Variants in SLC8A2 observed in about 807,000 individuals in gnomAD.
SLC8A2 encodes the protein sodium/calcium exchanger 2.
SLC8A2 carries 14 observed loss-of-function variants against 70.2 expected under a neutral mutation model. The observed-to-expected ratio is 0.20, with a 90% CI of 0.13 to 0.31. SLC8A2 has a LOEUF of 0.31. Ranked by LOEUF, SLC8A2 falls within the 10% of genes least tolerant of loss-of-function variation. The pLI, the probability that SLC8A2 is intolerant of heterozygous loss-of-function variation, is 1.00. For missense variants in SLC8A2, 779 were observed against 1,320.1 expected (o/e 0.59, Z 6.35); for synonymous variants, 575 against 594.3 (o/e 0.97, Z 0.47).
At chr19:47,457,796 CT>C (rs367977047) in intron 2 of SLC8A2, among the ~76,000 whole-genome samples, 218 of 26,840 alleles carry the variant, frequency 8.1e-3, no homozygotes, top group Admixed American at 0.017. Context: ...CTTTTCTTTT[CT>C]CTTCCTTCCT....
intron 2 of SLC8A2, among the ~76,000 whole-genome samples, chr19:47,464,637 A>T (rs1967435677): frequency 6.6e-6 from 1 of 152,196 alleles, no homozygotes; most frequent in Admixed American, 6.5e-5. Context: ...AAAACCCACA[A>T]GGCATTTTTC....
intron 8 of SLC8A2, among the ~76,000 whole-genome samples, chr19:47,435,079 G>C (rs1967009024): frequency 6.6e-6 from 1 of 151,842 alleles, no homozygotes. Context: ...CATGGTGGTG[G>C]GTGCCTGTAA....
intron 2 of SLC8A2, among the ~76,000 whole-genome samples, chr19:47,462,609 A>T: frequency 8.5e-6 from 1 of 118,036 alleles, no homozygotes. Flanking sequence ...TTTTTCTGAG[A>T]TGGAGTCTCA....
intron 8 of SLC8A2, among the ~76,000 whole-genome samples, chr19:47,434,529 T>C (rs1056562679): frequency 1.3e-5 from 2 of 152,224 alleles, no homozygotes; most frequent in African/African-American, 2.4e-5. Context: ...AGTTGGTTCA[T>C]GTAAAGTGCT....
At chr19:47,433,019 T>C (rs1312604996) in intron 8 of SLC8A2, among the ~76,000 whole-genome samples, 1 of 152,112 alleles carries the variant, frequency 6.6e-6, no homozygotes, top group Non-Finnish European at 1.5e-5. Context: ...CGGAACTGCT[T>C]GCACCTAAAT....
At chr19:47,471,526 G>C (rs1967540141) in intron 1 of SLC8A2, among the ~76,000 whole-genome samples, 1 of 151,846 alleles carries the variant, frequency 6.6e-6, no homozygotes, top group African/African-American at 2.4e-5. Flanking sequence ...CAGACGGGGT[G>C]GGGGCGGGGT....
intron 3 of SLC8A2, among the ~76,000 whole-genome samples, chr19:47,450,662 G>A (rs1413343789): frequency 6.6e-6 from 1 of 152,136 alleles, no homozygotes; most frequent in Non-Finnish European, 1.5e-5. Context: ...GAGTCCCTCA[G>A]CTCAGGATTC....
chr19:47,441,265 G>C, intron 5 of SLC8A2, 72 bp downstream of exon 5: 1 of 1,583,966 alleles, frequency 6.3e-7, no homozygotes, highest in Non-Finnish European at 8.7e-7. Flanking sequence ...AGGAGTGCCT[G>C]CAATTGAGCC....
intron 8 of SLC8A2, among the ~76,000 whole-genome samples, chr19:47,433,044 G>A (rs764709527): frequency 6.6e-6 from 1 of 152,152 alleles, no homozygotes. Flanking sequence ...CCAAGTCAAT[G>A]CTAAAAACAG....
At chr19:47,436,185 T>G (rs1042936231) in intron 8 of SLC8A2, among the ~76,000 whole-genome samples, 1 of 152,120 alleles carries the variant, frequency 6.6e-6, no homozygotes. Context: ...CTTTACCCAT[T>G]TGAAGACTCA....
intron 2 of SLC8A2, among the ~76,000 whole-genome samples, chr19:47,457,834 T>G (rs922356930): frequency 2.0e-5 from 3 of 151,348 alleles, no homozygotes; most frequent in Non-Finnish European, 4.4e-5. Context: ...TCTCTCTTTC[T>G]TTCTTTCTTT....
At position 47,457,684 on chromosome 19, in the gene SLC8A2, C is replaced by G. The variant is rs1011896356; in HGVS notation, c.676-90G>C. 7.6e-6 allele frequency: 6 copies of G among 793,076 alleles called. No individual in the cohort carries two copies. The African/African-American group carries it at 1.1e-4, about 14-fold the overall frequency. The allele number at this position is 793,076 out of a possible 1,614,324, so 49.1% of individuals were successfully genotyped here. On this transcript the variant is annotated intron_variant, in intron 2 of 9. Coordinates refer to ENST00000236877, the MANE Select transcript of SLC8A2 (RefSeq NM_015063.3). Reference sequence around the variant, plus strand: ...TCAGTCTCTGTCCGCCTCTGCCACTCCTCATCTCTCTCCCCAACCCCCAAC... The same window carrying G: ...TCAGTCTCTGTCCGCCTCTGCCACTGCTCATCTCTCTCCCCAACCCCCAAC...
At chr19:47,442,771 A>G (rs912066252) in intron 4 of SLC8A2, among the ~76,000 whole-genome samples, 7 of 152,120 alleles carry the variant, frequency 4.6e-5, no homozygotes, top group African/African-American at 7.2e-5. Context: ...GCAGCCTCAA[A>G]GTCCTGGGAT....
chr19:47,463,693 AAG>A (rs1359383500), intron 2 of SLC8A2, among the ~76,000 whole-genome samples: 1 of 151,404 alleles, frequency 6.6e-6, no homozygotes, highest in Non-Finnish European at 1.5e-5. Flanking sequence ...AAAAAAAAAA[AAG>A]AAAGAAATAG....
chr19:47,464,243 C>T (rs945186721), intron 2 of SLC8A2, among the ~76,000 whole-genome samples: 1 of 152,102 alleles, frequency 6.6e-6, no homozygotes, highest in Non-Finnish European at 1.5e-5. Context: ...TCCCGAGTAG[C>T]TGGGATTACA....
intron 7 of SLC8A2, 40 bp downstream of exon 7, chr19:47,437,809 C>A (rs763014144): frequency 6.2e-7 from 1 of 1,612,908 alleles, no homozygotes; most frequent in Non-Finnish European, 8.5e-7. Context: ...AGGAAATGAA[C>A]CAGGCTGGAC....
rs1967193225 is a variant in SLC8A2, at chr19:47,448,198, C to T, written c.1374G>A (p.Thr458=). 6.2e-7 allele frequency: 1 copy of T among 1,607,978 alleles called. No individual in the cohort carries two copies. Among genetic ancestry groups the T allele is most frequent in the Non-Finnish European group, 8.5e-7 (1 of 1,176,592 alleles). ...EGTLVFKPGE[T]QKELRIGIID... ...TGATGCCGATGCGCAGCTCCTTCTG[C>T]GTCTCGCCTGGTTTGAACACCAGCG... is the stretch of plus-strand genomic sequence containing the variant. The change falls in exon 4 of 10, where the codon ACG becomes ACA. Residue 458 remains threonine, a synonymous_variant. Transcript: ENST00000236877. The surrounding 1 kb of genome is among the most constrained non-coding windows in gnomAD (Gnocchi z 4.8).
In SLC8A2 at chr19:47,439,958, C is replaced by A. The variant is rs141120466; in HGVS notation, c.1885+1211G>T. ...GGATTACAGACATGAGGCATTGTGC[C>A]CAGTAAAGAAATAACTTTTATTGTG... On this transcript the variant is annotated intron_variant, in intron 6 of 9. Transcript: ENST00000236877. Among the ~76,000 whole-genome samples, 507 of 152,276 alleles carry A rather than the reference C, an allele frequency of 3.3e-3. 3 individuals are homozygous for A. Among genetic ancestry groups the A allele is most frequent in the African/African-American group, 0.012 (480 of 41,548 alleles).
chr19:47,466,425 G>C lies in SLC8A2; in HGVS notation c.-16-6C>G, dbSNP rs376725419. The C allele has an allele frequency of 7.2e-6, 8 of 1,108,478 alleles. No individual in the cohort carries two copies. The highest frequency in any genetic ancestry group is 1.6e-5 in the South Asian group (1 of 61,244). The allele number at this position is 1,108,478 out of a possible 1,614,324, so 68.7% of individuals were successfully genotyped here. A position where few individuals can be genotyped will look rare whatever the true frequency, so the allele number is the denominator to read the frequency against. ...CCATGGGGGGTGGTGGGGTCCTATG[G>C]GGGAGGAGGAGGAGGTCTGGGTGAG... On this transcript the variant is annotated splice_polypyrimidine_tract_variant and splice_region_variant and intron_variant, in intron 1 of 9. Coordinates refer to ENST00000236877, the MANE Select transcript of SLC8A2 (RefSeq NM_015063.3). The surrounding 1 kb of genome is among the most constrained non-coding windows in gnomAD (Gnocchi z 6.9).
Sources: gnomAD v4.1 joint callset for allele counts (sites outside exome capture counted in the v4.1 genomes callset) on GRCh38, gnomAD v4.1.1 for gene constraint, Gnocchi (gnomAD v3.1) non-coding constraint, MANE v1.5 for transcripts, NCBI Gene and HGNC (gene_info 2026-07-23, HGNC 2026-07-21) for gene names.